The following TEP1 variants were observed in gnomAD, a reference collection of about 807,000 sequenced individuals.
The protein encoded by TEP1 is telomerase associated protein 1.
In TEP1, 241 loss-of-function variants were observed where a neutral mutation model predicts 306.3. That is an observed-to-expected ratio of 0.79 (90% CI 0.71 to 0.88). The LOEUF (loss-of-function observed/expected upper bound fraction) is 0.88. TEP1 is among the 40% of genes least tolerant of loss of function. The pLI is 0.00. For missense variants in TEP1, 3,051 were observed against 3,276.1 expected, an observed-to-expected ratio of 0.93 and a Z score of 1.68; for synonymous variants, 1,289 against 1,305.5, an observed-to-expected ratio of 0.99 and a Z score of 0.27.
Position 20,396,670 on chromosome 14 carries a change from C to A in TEP1, c.1610G>T (p.Gly537Val). ...GAGCTCATGGTGGCGGGAACTGATT[C>A]CAACCCGCAGCAGGTTGCACAGGTT... is the stretch of plus-strand genomic sequence containing the variant. The part of the protein sequence containing the change: ...LRNLCNLLRV[G>V]ISSRHHELIL... The change falls in exon 10 of 55, where the codon GGA becomes GTA. Residue 537 changes from glycine to valine, a missense_variant. Around this residue, in one of 3 missense-constraint regions of TEP1, gnomAD observed 1,507 missense variants for 1,550.5 expected, o/e 0.97. Transcript: ENST00000262715. 6.2e-7 allele frequency: 1 copy of A among 1,612,118 alleles called. No homozygotes were observed. The highest frequency in any genetic ancestry group is 8.5e-7 in the Non-Finnish European group (1 of 1,178,368).
At chr14:20,390,623 A>G in intron 15 of TEP1, 58 bp downstream of exon 15, 2 of 1,519,732 alleles carry the variant, frequency 1.3e-6, no homozygotes, top group Non-Finnish European at 1.8e-6. Flanking sequence ...AATGAAATAT[A>G]TCAGTTGCAG....
In TEP1 at chr14:20,381,092, A is replaced by T; in HGVS notation, c.4648-47T>A. 6.7e-7 allele frequency: 1 copy of T among 1,494,648 alleles called. No homozygotes were observed. Among genetic ancestry groups the T allele is most frequent in the South Asian group, 1.1e-5 (1 of 88,412 alleles). The allele number at this position is 1,494,648 out of a possible 1,614,324, so 92.6% of individuals were successfully genotyped here. ...CATTAGGGATATGAAGGGGCTGGTG[A>T]GAAGGGACAGTTTAGTCTCAGAACC... On this transcript the variant is annotated intron_variant, in intron 32 of 54. Coordinates refer to ENST00000262715, the MANE Select transcript of TEP1 (RefSeq NM_007110.5). This position sits in a 1 kb window ranked among gnomAD's most constrained non-coding sequence, Gnocchi z 4.0.
chr14:20,389,904 G>A (rs1015650498), intron 15 of TEP1, among the ~76,000 whole-genome samples, 164 bp from the exon 16 acceptor site: 2 of 152,180 alleles, frequency 1.3e-5, no homozygotes, highest in African/African-American at 4.8e-5. Flanking sequence ...AACTTACAGG[G>A]GACATCAAAG....
At position 20,376,205 on chromosome 14, in the gene TEP1, C is replaced by T; in HGVS notation, c.6148G>A (p.Asp2050Asn). Residue 2050 changes from aspartate to asparagine, a missense_variant, in exon 42 of 55, where the codon GAC becomes AAC. Coordinates refer to ENST00000262715, the MANE Select transcript of TEP1 (RefSeq NM_007110.5). ...CGCAGCTCAGTGCCACAGGGAAAGT[C>T]TTCTGCCTTGTGTGGCCGCGTCAGC... is the stretch of plus-strand genomic sequence containing the variant. ...QLLTRPHKAE[D>N]FPCGTELRGH... The T allele has an allele frequency of 2.5e-6, 4 of 1,614,202 alleles. 1 individual carries two copies. In the South Asian group the frequency reaches 4.4e-5, roughly 18 times the overall value.
intron 17 of TEP1, 64 bp downstream of exon 17, chr14:20,389,174 G>T: frequency 2.1e-6 from 3 of 1,406,498 alleles, no homozygotes; most frequent in Non-Finnish European, 3.0e-6. Context: ...GACTGGAGTA[G>T]AGATAATCTC....
rs536715398 is a variant in TEP1 at position 20,383,490 on chromosome 14, G to A, written c.3865C>T (p.Arg1289Trp). Residue 1289 changes from arginine to tryptophan, a missense_variant and splice_region_variant, in exon 26 of 55, where the codon CGG (arginine) becomes TGG (tryptophan). This residue lies in a region of TEP1 where 1,540 missense variants were observed against 1,705.9 expected (regional missense o/e 0.90). Transcript: ENST00000262715. ...ISDWIPKKLP[R>W]CVHLVLSVSS... ...ACCCACCTCCTTCTCACACTCACCC[G>A]GGGAAGCTTCTTTGGGATCCAGTCT... 1.4e-5 allele frequency: 23 copies of A among 1,614,140 alleles called. No homozygotes were observed. The Admixed American group carries it at 2.0e-4, about 14-fold the overall frequency.
At chr14:20,374,885 T>G (rs1205394563) in intron 43 of TEP1, among the ~76,000 whole-genome samples, 1 of 151,284 alleles carries the variant, frequency 6.6e-6, no homozygotes, top group African/African-American at 2.4e-5. Context: ...AGGTCAGGAG[T>G]TCAAGACCAG....
intron 34 of TEP1, 31 bp downstream of exon 34, chr14:20,380,204 G>C (rs1270169925): frequency 1.9e-6 from 3 of 1,602,840 alleles, no homozygotes; most frequent in Non-Finnish European, 8.5e-7. Flanking sequence ...CTCTCTGGTG[G>C]GCTTACTAGG....
At chr14:20,379,166 A>G in intron 35 of TEP1, 61 bp from the exon 36 acceptor site, 1 of 1,576,366 alleles carries the variant, frequency 6.3e-7, no homozygotes, top group Non-Finnish European at 8.6e-7. Context: ...AAGTCCCACC[A>G]CTCCAGGCCC....
At chr14:20,386,938 C>CA (rs1877215157) in intron 18 of TEP1, among the ~76,000 whole-genome samples, 1 of 145,914 alleles carries the variant, frequency 6.9e-6, no homozygotes, top group African/African-American at 2.5e-5. Flanking sequence ...GAAACGATAA[C>CA]TTTTTTTTTT....
rs193022747 is a variant in TEP1, at chr14:20,373,166, G to A, written c.6815-19C>T. 7.5e-5 allele frequency: 121 copies of A among 1,614,104 alleles called. No individual in the cohort carries two copies. The East Asian group carries it at 2.1e-3, about 28-fold the overall frequency. Reference sequence around the variant, plus strand: ...GTGTCATCTGGAGGAGAAAGGACGTGTTTCATTAGGAGCTGGGATACTGCT... The same window carrying A: ...GTGTCATCTGGAGGAGAAAGGACGTATTTCATTAGGAGCTGGGATACTGCT... On this transcript the variant is annotated intron_variant, in intron 47 of 54. Transcript: ENST00000262715.
rs145122151 is a variant in TEP1, at chr14:20,385,003, C to T, written c.3089G>A (p.Arg1030Gln). The T allele has an allele frequency of 3.7e-5, 60 of 1,614,158 alleles. No individual in the cohort carries two copies. Among genetic ancestry groups the T allele is most frequent in the African/African-American group, 2.3e-4 (17 of 75,034 alleles). ...QPSAQALIYF[R>Q]DSSFLSSVPD... ...ACAGTACCTGAGGAAGCTGGAATCC[C>T]GGAAGTAGATGAGAGCTTGGGCAGA... Residue 1030 changes from arginine (R) to glutamine (Q), a missense_variant, in exon 21 of 55, where the codon CGG becomes CAG. Arg to Gln is a conservative substitution (Grantham distance 43). Coordinates refer to ENST00000262715, the MANE Select transcript of TEP1 (RefSeq NM_007110.5).
Position 20,377,689 on chromosome 14 carries a change from G to C in TEP1, c.5786C>G (p.Pro1929Arg). The C allele has an allele frequency of 1.2e-6, 2 of 1,614,098 alleles. No individual in the cohort carries two copies. Among genetic ancestry groups the C allele is most frequent in the Non-Finnish European group, 1.7e-6 (2 of 1,180,014 alleles). The change falls in exon 40 of 55, where the codon CCT (proline) becomes CGT (arginine). Residue 1929 changes from proline to arginine, a missense_variant. Physicochemically the swap from Pro to Arg is moderately radical, Grantham distance 103. Transcript: ENST00000262715. ...TGGGCTGAGTGCCACAGAGAGGGCA[G>C]GAGAGAGAGAAAGGGAACCCAGGTG... ...RGHLGSLSLS[P>R]ALSVALSPDG... is the part of the protein sequence containing the mutation.
At position 20,384,609 on chromosome 14, in the gene TEP1, G is replaced by A. The variant is rs761132579; in HGVS notation, c.3212C>T (p.Thr1071Ile). 1.6e-5 allele frequency: 26 copies of A among 1,613,948 alleles called. No individual in the cohort carries two copies. The highest frequency in any genetic ancestry group is 2.1e-5 in the Non-Finnish European group (25 of 1,180,016). The change falls in exon 22 of 55, where the codon ACC becomes ATC. Residue 1071 changes from threonine to isoleucine, a missense_variant. By Grantham distance (89) the Thr-to-Ile change is moderately conservative (BLOSUM62 -1). This residue lies in a region of TEP1 where 1,507 missense variants were observed against 1,550.5 expected (regional missense o/e 0.97). Coordinates refer to ENST00000262715, the MANE Select transcript of TEP1 (RefSeq NM_007110.5). ...KSYLSRQKGI[T>I]CRRYPCEWGG... ...ACCTCCCTCAGCTCACCTGCGGCAG[G>A]TGATCCCTTTCTGTCTGCTTAGGTA...
rs755703673 is a variant in TEP1, at chr14:20,385,088, G to A, written c.3004C>T (p.Arg1002Cys). 2.2e-5 allele frequency: 35 copies of A among 1,613,944 alleles called. 1 individual carries two copies. Among genetic ancestry groups the A allele is most frequent in the South Asian group, 1.9e-4 (17 of 91,080 alleles). ...FHWAQQYPSG[R>C]SVTEMEVMQF... ...ATCACCTCCATCTCTGTCACAGAGC[G>A]CCCTGAAGGGTACTGCTGGGCCTGC... is the stretch of plus-strand genomic sequence containing the variant. Residue 1002 changes from arginine (R) to cysteine (C), a missense_variant, in exon 21 of 55, where the codon CGC (arginine) becomes TGC (cysteine). Around this residue, in one of 3 missense-constraint regions of TEP1, gnomAD observed 1,507 missense variants for 1,550.5 expected, o/e 0.97. Coordinates refer to ENST00000262715, the MANE Select transcript of TEP1 (RefSeq NM_007110.5).
intron 12 of TEP1, among the ~76,000 whole-genome samples, chr14:20,392,048 C>T (rs1877775467): frequency 6.6e-6 from 1 of 152,216 alleles, no homozygotes. Flanking sequence ...ATTCTTACTT[C>T]ATGAAGCAAG....
In TEP1 at chr14:20,368,564, G is replaced by T; in HGVS notation, c.7762-5C>A. ...TTCGCATCGGAACAGGCCCAGCTAC[G>T]ATGGGAACAAAAATAGGGGAGGTCA... On this transcript the variant is annotated splice_region_variant and splice_polypyrimidine_tract_variant and intron_variant, in intron 54 of 54. Coordinates refer to ENST00000262715, the MANE Select transcript of TEP1 (RefSeq NM_007110.5). 1.2e-6 allele frequency: 2 copies of T among 1,614,060 alleles called. No individual in the cohort carries two copies. The highest frequency in any genetic ancestry group is 2.2e-5 in the South Asian group (2 of 91,078).
Position 20,377,362 on chromosome 14 carries a change from A to C in TEP1, c.6006T>G (p.Leu2002=), listed in dbSNP as rs2229101. ...LQGWALKECS[L]QSLWLLSRFQ... The stretch of plus-strand genomic sequence containing the variant: ...ATCTGGACAGGAGCCAGAGGGACTG[A>C]AGGGAGCATTCCTTGAGTGCCCAGC... The change falls in exon 41 of 55, where the codon CTT becomes CTG. Residue 2002 remains leucine (L), a synonymous_variant. Coordinates refer to ENST00000262715, the MANE Select transcript of TEP1 (RefSeq NM_007110.5). 104,206 of 1,614,060 alleles carry C rather than the reference A, an allele frequency of 0.065. 3,636 individuals carry two copies. The highest frequency in any genetic ancestry group is 0.093 in the South Asian group (8,452 of 91,090).
chr14:20,387,666 G>A (rs1053439962), intron 18 of TEP1, among the ~76,000 whole-genome samples: 9 of 152,198 alleles, frequency 5.9e-5, no homozygotes, highest in Non-Finnish European at 1.2e-4. Context: ...CTGGCCATAC[G>A]GCCATGATGT....
Sources: gnomAD v4.1 joint callset for allele counts (sites outside exome capture counted in the v4.1 genomes callset) on GRCh38, gnomAD v4.1.1 for gene constraint, gnomAD v4.1.1 regional missense constraint, Gnocchi (gnomAD v3.1) non-coding constraint, MANE v1.5 for transcripts, NCBI Gene and HGNC (gene_info 2026-07-23, HGNC 2026-07-21) for gene names.